The following POSTN variants were observed in gnomAD, a reference collection of about 807,000 sequenced individuals.
POSTN encodes osteoblast specific factor 2 (fasciclin I-like).
A neutral mutation model predicts 104.5 loss-of-function variants in POSTN; 71 were observed. That is an observed-to-expected ratio of 0.68 (90% CI 0.56 to 0.83). POSTN has a LOEUF of 0.83. Ranked by LOEUF, POSTN falls within the 40% of genes least tolerant of loss-of-function variation. The probability of loss-of-function intolerance (pLI) is 0.00; values close to 1 mark genes in which losing one functional copy is unlikely to be tolerated. For synonymous variants in POSTN, 355 were observed against 340.7 expected, an observed-to-expected ratio of 1.04 and a Z score of -0.46; for missense variants, 949 against 1,006.8, an observed-to-expected ratio of 0.94 and a Z score of 0.78.
At chr13:37,566,794 A>G (rs1279307938) in intron 21 of POSTN, among the ~76,000 whole-genome samples, 1 of 152,178 alleles carries the variant, frequency 6.6e-6, no homozygotes, top group Non-Finnish European at 1.5e-5. Flanking sequence ...CAAAAATTTT[A>G]TGCATTTAAT....
chr13:37,563,015 T>G lies in POSTN; in HGVS notation c.*318A>C, dbSNP rs2138113002. ...GGATAACAGTTCACAACTCTTCGATTTGAATTGTAATGAATCTGGTGACAA... is the reference window on the plus strand; with the variant it reads ...GGATAACAGTTCACAACTCTTCGATGTGAATTGTAATGAATCTGGTGACAA... On this transcript the variant is annotated 3_prime_UTR_variant, in exon 23 of 23. Transcript: ENST00000379747. 5.1e-6 allele frequency: 1 copy of G among 197,788 alleles called. No homozygotes were observed. The highest frequency in any genetic ancestry group is 2.3e-5 in the African/African-American group (1 of 43,484). 12.3% of individuals were successfully genotyped at this position (197,788 alleles called of 1,614,324 possible). A position where few individuals can be genotyped will look rare whatever the true frequency, so the allele number is the denominator to read the frequency against.
In POSTN at chr13:37,564,579, A is replaced by G. The variant is rs762381674; in HGVS notation, c.2432-19T>C. The G allele has an allele frequency of 1.3e-6, 2 of 1,556,334 alleles. No homozygotes were observed. Among genetic ancestry groups the G allele is most frequent in the Non-Finnish European group, 1.8e-6 (2 of 1,130,398 alleles). ...GGTGTGTCTAAAATTAAATTGTTGT[A>G]GTTAGAAATACTTCGCAATTATGGC... On this transcript the variant is annotated intron_variant, in intron 21 of 22. Transcript: ENST00000379747.
At chr13:37,593,886 C>G (rs1401047080) in intron 2 of POSTN, among the ~76,000 whole-genome samples, 1 of 151,570 alleles carries the variant, frequency 6.6e-6, no homozygotes, top group Non-Finnish European at 1.5e-5. Flanking sequence ...TGGTTTATAA[C>G]CTTGGATCCT....
rs780261755 is a variant in POSTN at position 37,579,940 on chromosome 13, T to C, written c.1581A>G (p.Gln527=). 1 of 1,613,492 alleles carries C rather than the reference T, an allele frequency of 6.2e-7. No homozygotes were observed. Among genetic ancestry groups the C allele is most frequent in the Non-Finnish European group, 8.5e-7 (1 of 1,179,450 alleles). The change falls in exon 12 of 23, where the codon CAA becomes CAG. Residue 527 remains glutamine (Q), a synonymous_variant. Transcript: ENST00000379747. ...EAADLKELLT[Q]PGDWTLFVPT... is the part of the protein sequence containing the mutation. The stretch of plus-strand genomic sequence containing the variant: ...GCACAAATAATGTCCAGTCTCCAGG[T>C]TGTGTCAGGAGCTCTTTCAAGTCTG...
rs1016686836 is a variant in POSTN at position 37,586,920 on chromosome 13, A to G, written c.615T>C (p.Thr205=). Residue 205 remains threonine, a synonymous_variant, in exon 6 of 23, where the codon ACT becomes ACC. Coordinates refer to ENST00000379747, the MANE Select transcript of POSTN (RefSeq NM_006475.3). ...FINHYPNGVV[T]VNCARIIHGN... is the part of the protein sequence containing the mutation. ...CATGGATGATTCGAGCACAATTAAC[A>G]GTGACAACCTATAATTATTTGGAAA... is the stretch of plus-strand genomic sequence containing the variant. 10 of 1,613,088 alleles carry G rather than the reference A, an allele frequency of 6.2e-6. No homozygotes were observed. In the Admixed American group the frequency reaches 6.7e-5, roughly 11 times the overall value.
chr13:37,589,497 C>A (rs533949997), intron 4 of POSTN, among the ~76,000 whole-genome samples: 29 of 151,992 alleles, frequency 1.9e-4, no homozygotes, highest in African/African-American at 5.6e-4. Context: ...ATCCCTCCCC[C>A]CTCCTCCCAC....
intron 16 of POSTN, among the ~76,000 whole-genome samples, chr13:37,576,535 T>C (rs1950414140): frequency 6.6e-6 from 1 of 152,068 alleles, no homozygotes; most frequent in South Asian, 2.1e-4. Flanking sequence ...CATTCACATA[T>C]ATAGAAAGTA....
intron 9 of POSTN, among the ~76,000 whole-genome samples, chr13:37,583,366 A>G (rs555889849): frequency 4.6e-5 from 7 of 152,104 alleles, no homozygotes; most frequent in Non-Finnish European, 7.4e-5. Flanking sequence ...ATTTTTTTAG[A>G]GATCTGTCAA....
In POSTN at chr13:37,578,919, G is replaced by T; in HGVS notation, c.1895-8C>A. 6.3e-7 allele frequency: 1 copy of T among 1,594,214 alleles called. No homozygotes were observed. Among genetic ancestry groups the T allele is most frequent in the Non-Finnish European group, 8.5e-7 (1 of 1,174,524 alleles). ...CATTTCCAACAGGTGTGTCTATGAA[G>T]AGAAATATTAAATGAATATTGGTAA... On this transcript the variant is annotated splice_polypyrimidine_tract_variant and splice_region_variant and intron_variant, in intron 14 of 22. Transcript: ENST00000379747.
rs1229352607 is a variant in POSTN at position 37,586,900 on chromosome 13, A to G, written c.635T>C (p.Ile212Thr). The G allele has an allele frequency of 6.2e-7, 1 of 1,613,612 alleles. No homozygotes were observed. Among genetic ancestry groups the G allele is most frequent in the Non-Finnish European group, 8.5e-7 (1 of 1,179,694 alleles). ...ATTTGTTGCAATCTGGTTCCCATGG[A>G]TGATTCGAGCACAATTAACAGTGAC... ...GVVTVNCARI[I>T]HGNQIATNGV... Residue 212 changes from isoleucine to threonine, a missense_variant, in exon 6 of 23, where the codon ATC becomes ACC. Coordinates refer to ENST00000379747, the MANE Select transcript of POSTN (RefSeq NM_006475.3).
chr13:37,567,991 C>T (rs894573657), intron 21 of POSTN, among the ~76,000 whole-genome samples: 2 of 142,598 alleles, frequency 1.4e-5, no homozygotes, highest in South Asian at 2.3e-4. Context: ...AAGCTGCTTA[C>T]TATGGCAAGG....
At chr13:37,580,828 A>G in intron 10 of POSTN, 131 bp from the exon 11 acceptor site, 1 of 1,004,108 alleles carries the variant, frequency 1.0e-6, no homozygotes, top group Non-Finnish European at 1.5e-6. Flanking sequence ...CCACGGGAAC[A>G]GCTTCTTTCC....
chr13:37,564,347 G>T (rs1950028395), intron 22 of POSTN, among the ~76,000 whole-genome samples, 172 bp downstream of exon 22: 1 of 150,654 alleles, frequency 6.6e-6, no homozygotes, highest in Non-Finnish European at 1.5e-5. Context: ...TAGAACATGA[G>T]AAATTTATTT....
rs200317247 is a variant in POSTN at position 37,579,843 on chromosome 13, G to A, written c.1660+18C>T. On this transcript the variant is annotated intron_variant, in intron 12 of 22. Coordinates refer to ENST00000379747, the MANE Select transcript of POSTN (RefSeq NM_006475.3). Reference sequence around the variant, plus strand: ...CCTGAAATGAAAGGGAAAATATCTGGAATTCACTTCCACTTACGTATCAGA... The same window carrying A: ...CCTGAAATGAAAGGGAAAATATCTGAAATTCACTTCCACTTACGTATCAGA... 2.6e-5 allele frequency: 41 copies of A among 1,604,474 alleles called. 1 individual carries two copies. In the East Asian group the frequency reaches 3.8e-4, roughly 15 times the overall value.
Position 37,579,274 on chromosome 13 carries a change from A to G in POSTN, c.1746T>C (p.Thr582=). ...TTCCTTGTGTGGTCTTTAAAATGTT[A>G]GTAACACCAGGTTCAAATCCTTTTC... ...FIGKGFEPGV[T]NILKTTQGSK... The change falls in exon 13 of 23, where the codon ACT becomes ACC. Residue 582 remains threonine (T), a synonymous_variant. Coordinates refer to ENST00000379747, the MANE Select transcript of POSTN (RefSeq NM_006475.3). The G allele has an allele frequency of 1.9e-6, 3 of 1,608,932 alleles. No homozygotes were observed. The highest frequency in any genetic ancestry group is 2.6e-6 in the Non-Finnish European group (3 of 1,175,436).
chr13:37,564,448 C>A, intron 22 of POSTN, 71 bp downstream of exon 22: 6 of 820,322 alleles, frequency 7.3e-6, no homozygotes, highest in Non-Finnish European at 1.2e-5. Flanking sequence ...TAAAATCTTT[C>A]CTATTGTTTG....
chr13:37,598,710 G>C lies in POSTN; in HGVS notation c.17C>G (p.Pro6Arg). 1 of 1,612,892 alleles carries C rather than the reference G, an allele frequency of 6.2e-7. No individual in the cohort carries two copies. The change falls in exon 1 of 23, where the codon CCC (proline) becomes CGC (arginine). Residue 6 changes from proline to arginine, a missense_variant. By Grantham distance (103) the Pro-to-Arg change is moderately radical (BLOSUM62 -2). Coordinates refer to ENST00000379747, the MANE Select transcript of POSTN (RefSeq NM_006475.3). ...AAGCAGCAATAGTAGAGAAAACATG[G>C]GTAAAAAGGGAATCATCTTGAGTCT... Reference protein sequence around the residue: MIPFLPMFSLLLLLIV... With the variant: MIPFLRMFSLLLLLIV...
Position 37,582,503 on chromosome 13 carries a change from T to G in POSTN, c.1255A>C (p.Ser419Arg), listed in dbSNP as rs1207916375. 1 of 1,601,758 alleles carries G rather than the reference T, an allele frequency of 6.2e-7. No homozygotes were observed. The highest frequency in any genetic ancestry group is 8.5e-7 in the Non-Finnish European group (1 of 1,176,288). The change falls in exon 10 of 23, where the codon AGC (serine) becomes CGC (arginine). Residue 419 changes from serine (S) to arginine (R), a missense_variant. Transcript: ENST00000379747. ...AATTTAAGGAGGCGCTGATCCATGC[T>G]GAGAGTATCATCTGTAAATAAATTC... The part of the protein sequence containing the change: ...VNNAFSDDTL[S>R]MDQRLLKLIL...
intron 21 of POSTN, among the ~76,000 whole-genome samples, chr13:37,568,308 T>C (rs552215779): frequency 6.6e-6 from 1 of 152,126 alleles, no homozygotes; most frequent in Non-Finnish European, 1.5e-5. Flanking sequence ...TAAGAGATTT[T>C]ACGTTTATTA....
Sources: gnomAD v4.1 joint callset for allele counts (sites outside exome capture counted in the v4.1 genomes callset) on GRCh38, gnomAD v4.1.1 for gene constraint, MANE v1.5 for transcripts, NCBI Gene and HGNC (gene_info 2026-07-23, HGNC 2026-07-21) for gene names.